The following PHF14 variants were observed in gnomAD, a reference collection of about 807,000 sequenced individuals.
The protein encoded by PHF14 is PHD finger protein 14.
A neutral mutation model predicts 117.9 loss-of-function variants in PHF14; 55 were observed. That is an observed-to-expected ratio of 0.47 (90% CI 0.38 to 0.58). PHF14 has a LOEUF of 0.58. PHF14 is among the 20% of genes least tolerant of loss of function. PHF14 has a pLI of 0.00. For synonymous variants in PHF14, 409 were observed against 368.6 expected (o/e 1.11, Z -1.26); for missense variants, 978 against 1,122.2 (o/e 0.87, Z 1.84).
chr7:11,088,164 C>T (rs10259271), intron 16 of PHF14, among the ~76,000 whole-genome samples: 2,560 of 152,172 alleles, frequency 0.017, 69 homozygotes, highest in African/African-American at 0.058. Context: ...TGCATATGTT[C>T]CTGTATGCTT....
intron 5 of PHF14, among the ~76,000 whole-genome samples, chr7:11,020,188 A>G (rs1235944808): frequency 1.3e-5 from 2 of 151,794 alleles, no homozygotes; most frequent in Middle Eastern, 3.2e-3. Flanking sequence ...TCCTGGGCTC[A>G]GGTGATCCTC....
intron 2 of PHF14, among the ~76,000 whole-genome samples, chr7:10,981,856 T>C (rs1782054162): frequency 6.6e-6 from 1 of 152,212 alleles, no homozygotes; most frequent in Non-Finnish European, 1.5e-5. Context: ...CTATCATAAA[T>C]ATCTATGCTT....
At chr7:11,118,150 T>G (rs1042969172) in intron 17 of PHF14, among the ~76,000 whole-genome samples, 1 of 151,946 alleles carries the variant, frequency 6.6e-6, no homozygotes, top group Non-Finnish European at 1.5e-5. Flanking sequence ...AAAAGTTGTT[T>G]CTATTGTGTC....
chr7:11,126,793 A>G (rs1787941747), intron 17 of PHF14, among the ~76,000 whole-genome samples: 1 of 151,542 alleles, frequency 6.6e-6, no homozygotes, highest in Non-Finnish European at 1.5e-5. Context: ...AAAAAAAGCT[A>G]CAGTCTGAAT....
At chr7:11,114,893 T>G (rs1275668267) in intron 17 of PHF14, among the ~76,000 whole-genome samples, 1 of 152,110 alleles carries the variant, frequency 6.6e-6, no homozygotes, top group Non-Finnish European at 1.5e-5. Flanking sequence ...GCTAGTTCAT[T>G]GCTACCTGTC....
chr7:11,123,146 A>G (rs926035375), intron 17 of PHF14, among the ~76,000 whole-genome samples: 3 of 151,988 alleles, frequency 2.0e-5, no homozygotes, highest in South Asian at 2.1e-4. Context: ...GATAGCATCT[A>G]TACCCAAAGC....
chr7:11,151,824 G>A (rs1788709621), intron 17 of PHF14, among the ~76,000 whole-genome samples: 1 of 152,062 alleles, frequency 6.6e-6, no homozygotes, highest in Non-Finnish European at 1.5e-5. Context: ...TATTGAGAAA[G>A]CCACTATATG....
intron 16 of PHF14, chr7:11,109,338 A>G (rs1421079066): frequency 1.3e-5 from 2 of 151,916 alleles, no homozygotes; most frequent in African/African-American, 4.8e-5. Context: ...TCCAAGGACA[A>G]AAGGCTGACA....
At chr7:11,070,495 A>G (rs1018403281) in intron 16 of PHF14, among the ~76,000 whole-genome samples, 2 of 152,140 alleles carry the variant, frequency 1.3e-5, no homozygotes, top group Admixed American at 1.3e-4. Flanking sequence ...GTTCACTGTA[A>G]CTATTTGCAT....
At chr7:11,124,883 A>G (rs994195769) in intron 17 of PHF14, among the ~76,000 whole-genome samples, 5 of 152,168 alleles carry the variant, frequency 3.3e-5, no homozygotes, top group African/African-American at 7.2e-5. Flanking sequence ...GGAAAGGGAA[A>G]AATATTATTA....
intron 3 of PHF14, among the ~76,000 whole-genome samples, chr7:10,988,994 G>A (rs1039027021): frequency 2.0e-5 from 3 of 152,058 alleles, no homozygotes; most frequent in Non-Finnish European, 4.4e-5. Context: ...TGCTTACTCT[G>A]GTACTGTAAA....
chr7:10,994,983 A>C (rs4521663), intron 4 of PHF14, among the ~76,000 whole-genome samples: 2,253 of 152,114 alleles, frequency 0.015, 54 homozygotes, highest in East Asian at 0.1. Flanking sequence ...TCCTGCTGAT[A>C]GGTCCATTTT....
intron 2 of PHF14, among the ~76,000 whole-genome samples, chr7:10,975,226 A>G (rs1781819608): frequency 6.6e-6 from 1 of 152,220 alleles, no homozygotes; most frequent in Non-Finnish European, 1.5e-5. Context: ...TTATGCTTAT[A>G]TTATAGAGGA....
At chr7:11,029,174 A>G (rs115878383) in intron 7 of PHF14, among the ~76,000 whole-genome samples, 2,004 of 152,118 alleles carry the variant, frequency 0.013, 41 homozygotes, top group African/African-American at 0.046. Context: ...ACCTTGCTCT[A>G]TTTTTCTTTA....
chr7:11,163,708 C>T (rs1789117709), intron 17 of PHF14, among the ~76,000 whole-genome samples: 2 of 152,114 alleles, frequency 1.3e-5, no homozygotes, highest in African/African-American at 4.8e-5. Context: ...TTTTCATTAT[C>T]GTCAGTATTT....
intron 17 of PHF14, among the ~76,000 whole-genome samples, chr7:11,163,283 C>CA (rs1261047280): frequency 6.6e-6 from 1 of 151,998 alleles, no homozygotes; most frequent in Admixed American, 6.6e-5. Flanking sequence ...TTGTATCATA[C>CA]AAAAAAATTC....
At chr7:11,105,812 C>T (rs1169770305) in intron 16 of PHF14, 5 of 984,180 alleles carry the variant, frequency 5.1e-6, no homozygotes, top group Non-Finnish European at 6.0e-6. Flanking sequence ...ATTGGATGCA[C>T]ATGCTGGGCT....
chr7:10,976,947 A>G (rs1781889039), intron 2 of PHF14, among the ~76,000 whole-genome samples: 3 of 151,134 alleles, frequency 2.0e-5, no homozygotes. Context: ...TATTTATTGT[A>G]AAAGGGAATT....
intron 16 of PHF14, among the ~76,000 whole-genome samples, chr7:11,073,291 G>T (rs961797143): frequency 2.6e-5 from 4 of 152,162 alleles, no homozygotes; most frequent in African/African-American, 7.2e-5. Flanking sequence ...TACAATGGTG[G>T]TACAGACATT....
Sources: gnomAD v4.1 joint callset for allele counts (sites outside exome capture counted in the v4.1 genomes callset) on GRCh38, gnomAD v4.1.1 for gene constraint, MANE v1.5 for transcripts, NCBI Gene and HGNC (gene_info 2026-07-23, HGNC 2026-07-21) for gene names.